TAF6: variants seen among roughly 807,000 people sequenced by gnomAD.
TAF6 encodes TATA-box binding protein associated factor 6, also known as transcription initiation factor TFIID subunit 6.
Under a neutral mutation model 73.5 loss-of-function variants are expected in TAF6, and 50 were observed. That is an observed-to-expected ratio of 0.68 (90% CI 0.54 to 0.86). The LOEUF is 0.86. TAF6 is among the 40% of genes least tolerant of loss of function. The pLI is 0.00. For missense variants in TAF6, 768 were observed against 899.5 expected (o/e 0.85, Z 1.87); for synonymous variants, 424 against 376.7 (o/e 1.13, Z -1.45).
chr7:100,108,632 GGGATGGGGT>G, intron 12 of TAF6, 92 bp from the exon 13 acceptor site: 1 of 1,415,552 alleles, frequency 7.1e-7, no homozygotes, highest in Non-Finnish European at 9.5e-7. Flanking sequence ...AAGAACCTTG[GGGATGGGGT>G]AAAAAAGGAC....
chr7:100,119,793 C>G, upstream of TAF6: 1 of 1,614,056 alleles, frequency 6.2e-7, no homozygotes, highest in Non-Finnish European at 8.5e-7. Flanking sequence ...TTTGGCCGTG[C>G]ACGAGGCTTG....
At chr7:100,122,453 G>A (rs1798103744), upstream of TAF6, 7 of 1,614,026 alleles carry the variant, frequency 4.3e-6, no homozygotes, top group Non-Finnish European at 5.9e-6. Context: ...CAGCATCCAG[G>A]GAATCTTTGT....
intron 5 of TAF6, 104 bp downstream of exon 5, chr7:100,113,237 AGCACTCCT>A: frequency 9.4e-7 from 1 of 1,061,946 alleles, no homozygotes; most frequent in East Asian, 2.6e-5. Flanking sequence ...ACTGCACTCC[AGCACTCCT>A]GCACTCCAGC....
rs902314916 is a variant in TAF6 at position 100,107,180 on chromosome 7, A to G, written c.*66T>C. 6.6e-6 allele frequency: 10 copies of G among 1,517,950 alleles called. No individual in the cohort carries two copies. Among genetic ancestry groups the G allele is most frequent in the Non-Finnish European group, 8.8e-6 (10 of 1,135,700 alleles). The allele number at this position is 1,517,950 out of a possible 1,614,324, so 94.0% of individuals were successfully genotyped here. A position where few individuals can be genotyped will look rare whatever the true frequency, so the allele number is the denominator to read the frequency against. On this transcript the variant is annotated 3_prime_UTR_variant, in exon 15 of 15. Coordinates refer to ENST00000453269, the MANE Select transcript of TAF6 (RefSeq NM_139315.3). Reference sequence around the variant, plus strand: ...ACTTCCTTCCGCTTAGCGAGCATGCATGTGTGTACGTGCACGTGTGTACAT... The same window carrying G: ...ACTTCCTTCCGCTTAGCGAGCATGCGTGTGTGTACGTGCACGTGTGTACAT...
upstream of TAF6, chr7:100,124,687 G>A: frequency 1.2e-6 from 2 of 1,613,142 alleles, no homozygotes; most frequent in Non-Finnish European, 1.7e-6. Context: ...CCTGCCTCCA[G>A]GACTAATATC....
chr7:100,117,508 G>A (rs1797766565), intron 1 of TAF6, among the ~76,000 whole-genome samples: 1 of 151,542 alleles, frequency 6.6e-6, no homozygotes, highest in South Asian at 2.1e-4. Flanking sequence ...CTGACCTCAG[G>A]TGTTCCACCC....
rs1299756204 is a variant in TAF6 at position 100,107,555 on chromosome 7, G to A, written c.1725C>T (p.Val575=). The A allele has an allele frequency of 4.3e-6, 7 of 1,613,934 alleles. No homozygotes were observed. The East Asian group carries it at 1.1e-4, about 26-fold the overall frequency. Residue 575 remains valine, a synonymous_variant, in exon 15 of 15, where the codon GTC becomes GTT. Transcript: ENST00000453269. ...STTTSPVTTT[V]PSVQPIVKLV... ...ACTTGACGATGGGCTGCACGCTGGGGACGGTGGTGGTGACGGGCGAAGTGG... is the reference window on the plus strand; with the variant it reads ...ACTTGACGATGGGCTGCACGCTGGGAACGGTGGTGGTGACGGGCGAAGTGG...
At chr7:100,119,932 G>T (rs1481277037), upstream of TAF6, 3 of 1,422,880 alleles carry the variant, frequency 2.1e-6, no homozygotes, top group Non-Finnish European at 2.9e-6. Flanking sequence ...GGACATCCTA[G>T]CCTGTATTGG....
In TAF6 at chr7:100,113,484, C is replaced by G. The variant is rs566326715; in HGVS notation, c.398-79G>C. ...TGCCCCATGCTATGGAAGCGTGTTTCCACTCCTGCTCCCCTTGCAACTCAC... is the reference window on the plus strand; with the variant it reads ...TGCCCCATGCTATGGAAGCGTGTTTGCACTCCTGCTCCCCTTGCAACTCAC... On this transcript the variant is annotated intron_variant, in intron 4 of 14. Coordinates refer to ENST00000453269, the MANE Select transcript of TAF6 (RefSeq NM_139315.3). The G allele has an allele frequency of 3.3e-6, 5 of 1,529,466 alleles. No homozygotes were observed. The Admixed American group carries it at 8.3e-5, about 25-fold the overall frequency. The allele number at this position is 1,529,466 out of a possible 1,614,324, so 94.7% of individuals were successfully genotyped here.
At chr7:100,107,836 A>G in intron 14 of TAF6, 90 bp downstream of exon 14, 3 of 1,475,782 alleles carry the variant, frequency 2.0e-6, no homozygotes, top group Non-Finnish European at 2.7e-6. Context: ...TGGGGCCCAG[A>G]GGGGACTGTG....
chr7:100,114,374 T>G, intron 1 of TAF6, 106 bp from the exon 2 acceptor site: 1 of 1,140,916 alleles, frequency 8.8e-7, no homozygotes, highest in Middle Eastern at 1.9e-4. Flanking sequence ...GAGTGTCTTA[T>G]GTCCATCCCC....
At chr7:100,121,117 T>TATATATATATA (rs1491228284), upstream of TAF6, 16 of 35,128 alleles carry the variant, frequency 4.6e-4, no homozygotes, top group East Asian at 1.5e-3. Flanking sequence ...TATATATATA[T>TATATATATATA]TTTTTTTTTT....
At chr7:100,113,328 A>C (rs752308899) in intron 5 of TAF6, 21 bp downstream of exon 5, 1 of 1,563,040 alleles carries the variant, frequency 6.4e-7, no homozygotes, top group Non-Finnish European at 8.6e-7. Context: ...AGAGACCCAG[A>C]GGGTGGGGCA....
At chr7:100,109,892 T>C in intron 12 of TAF6, 56 bp downstream of exon 12, 1 of 1,599,608 alleles carries the variant, frequency 6.3e-7, no homozygotes, top group Non-Finnish European at 8.5e-7. Flanking sequence ...GCCATATGCT[T>C]GCTAAACACT....
intron 10 of TAF6, 51 bp from the exon 11 acceptor site, chr7:100,110,325 G>A (rs774174786): frequency 4.4e-6 from 7 of 1,590,316 alleles, no homozygotes; most frequent in Non-Finnish European, 6.0e-6. Flanking sequence ...AAGGATGATT[G>A]ACAGGGACCT....
upstream of TAF6, among the ~76,000 whole-genome samples, chr7:100,124,220 G>A (rs1035959724): frequency 6.6e-6 from 1 of 151,652 alleles, no homozygotes; most frequent in Non-Finnish European, 1.5e-5. Context: ...CTCTGGACCA[G>A]ATACTTTGCA....
chr7:100,112,977 G>C (rs1200818642), intron 5 of TAF6, 60 bp from the exon 6 acceptor site: 5 of 1,562,766 alleles, frequency 3.2e-6, no homozygotes, highest in Non-Finnish European at 3.5e-6. Context: ...GTAAAAGGTG[G>C]GAGGAGGCCG....
At position 100,111,340 on chromosome 7, in the gene TAF6, G is replaced by A. The variant is rs1391527597; in HGVS notation, c.901-19C>T. On this transcript the variant is annotated intron_variant, in intron 9 of 14. Coordinates refer to ENST00000453269, the MANE Select transcript of TAF6 (RefSeq NM_139315.3). The stretch of plus-strand genomic sequence containing the variant: ...CATGGACCTAAGGGAGAAAGGGCGG[G>A]ACAGCTGATTCTGGTTTTGTTTGTC... 3 of 1,603,664 alleles carry A rather than the reference G, an allele frequency of 1.9e-6. No homozygotes were observed. Among genetic ancestry groups the A allele is most frequent in the South Asian group, 1.1e-5 (1 of 90,758 alleles).
At position 100,110,284 on chromosome 7, in the gene TAF6, GAAGGAAATAAACT is replaced by G. The variant is rs1797049330; in HGVS notation, c.1084-23_1084-11del. The G allele has an allele frequency of 6.2e-7, 1 of 1,613,834 alleles. No individual in the cohort carries two copies. The highest frequency in any genetic ancestry group is 8.5e-7 in the Non-Finnish European group (1 of 1,179,866). On this transcript the variant is annotated splice_polypyrimidine_tract_variant and intron_variant, in intron 10 of 14. Coordinates refer to ENST00000453269, the MANE Select transcript of TAF6 (RefSeq NM_139315.3). ...TCTCGTCCACCCAGCTCTGTAAGGG[GAAGGAAATAAACT>G]AAGATGAAGGGGTCTGAAAGGATGA...
Sources: gnomAD v4.1 joint callset for allele counts (sites outside exome capture counted in the v4.1 genomes callset) on GRCh38, gnomAD v4.1.1 for gene constraint, MANE v1.5 for transcripts, NCBI Gene and HGNC (gene_info 2026-07-23, HGNC 2026-07-21) for gene names.